Variants in CTNNA2 observed in about 807,000 individuals in gnomAD.
CTNNA2 encodes the protein catenin alpha-2.
In CTNNA2, 42 loss-of-function variants were observed where a neutral mutation model predicts 101.0. The observed-to-expected ratio is 0.42, with a 90% CI of 0.32 to 0.54. The LOEUF is 0.54. Among genes scored for constraint, CTNNA2 ranks in the 20% least tolerant of loss-of-function variants. The pLI, the probability that CTNNA2 is intolerant of heterozygous loss-of-function variation, is 0.14. For synonymous variants in CTNNA2, 450 were observed against 456.4 expected (o/e 0.99, Z 0.18); for missense variants, 871 against 1,223.1 (o/e 0.71, Z 4.29).
chr2:79,933,494 G>A lies in CTNNA2; in HGVS notation c.1056+23697G>A, dbSNP rs574545569. On this transcript the variant is annotated intron_variant, in intron 7 of 18. Transcript: ENST00000402739. Reference sequence around the variant, plus strand: ...TTTTGAGATGGAGTCTTCCTCTGTCGCCCAGGCTGGAGTACAATGGCAAGA... The same window carrying A: ...TTTTGAGATGGAGTCTTCCTCTGTCACCCAGGCTGGAGTACAATGGCAAGA... Among the ~76,000 whole-genome samples the A allele has an allele frequency of 9.4e-5, 14 of 148,632 alleles. 1 individual carries two copies. In the South Asian group the frequency reaches 1.7e-3, roughly 18 times the overall value.
chr2:79,618,166 G>A (rs553802016), intron 1 of CTNNA2, among the ~76,000 whole-genome samples: 4 of 152,304 alleles, frequency 2.6e-5, no homozygotes, highest in South Asian at 2.1e-4. Flanking sequence ...CATGGAGGAA[G>A]GGGTGATGCC....
chr2:79,469,845 A>G (rs1274973517), intron 4 of CTNNA2, among the ~76,000 whole-genome samples: 1 of 152,024 alleles, frequency 6.6e-6, no homozygotes, highest in Non-Finnish European at 1.5e-5. Flanking sequence ...CATGCTAAAA[A>G]CTCTCAATAA....
At chr2:79,655,544 T>C (rs761650581) in intron 2 of CTNNA2, among the ~76,000 whole-genome samples, 1 of 152,134 alleles carries the variant, frequency 6.6e-6, no homozygotes, top group Non-Finnish European at 1.5e-5. Flanking sequence ...AAAAATTCTT[T>C]TTGGCTGGGC....
At chr2:80,471,852 C>A (rs897854588) in intron 9 of CTNNA2, among the ~76,000 whole-genome samples, 13 of 151,956 alleles carry the variant, frequency 8.6e-5, no homozygotes, top group Admixed American at 7.2e-4. Context: ...GGTGGCCGGG[C>A]GTAGTGGCCC....
intron 4 of CTNNA2, among the ~76,000 whole-genome samples, chr2:79,388,659 C>T (rs1678133971): frequency 6.6e-6 from 1 of 152,136 alleles, no homozygotes; most frequent in Non-Finnish European, 1.5e-5. Flanking sequence ...TGCTGGGCTC[C>T]AGACTTTCTG....
Position 80,581,830 on chromosome 2 carries a change from A to G in CTNNA2, c.2007+11A>G, listed in dbSNP as rs1332490437. 5 of 1,534,678 alleles carry G rather than the reference A, an allele frequency of 3.3e-6. No individual in the cohort carries two copies. The South Asian group carries it at 5.6e-5, about 17-fold the overall frequency. On this transcript the variant is annotated intron_variant, in intron 14 of 18. Transcript: ENST00000402739. ...GGGCAGAGCGCACGGGTGAGTGGAC[A>G]CCTAAGACTTTGGCTTGGCACACAG...
At chr2:80,482,937 A>G (rs993880077) in intron 9 of CTNNA2, among the ~76,000 whole-genome samples, 8 of 152,112 alleles carry the variant, frequency 5.3e-5, no homozygotes, top group Non-Finnish European at 1.2e-4. Flanking sequence ...CTTCATTTAC[A>G]CTACCTGTCT....
chr2:80,060,311 G>A (rs1431912613), intron 7 of CTNNA2, among the ~76,000 whole-genome samples: 5 of 152,172 alleles, frequency 3.3e-5, no homozygotes, highest in Non-Finnish European at 7.3e-5. Flanking sequence ...GGCTAAAGGC[G>A]GACACAGCTG....
At chr2:79,812,501 A>T (rs1677125248) in intron 3 of CTNNA2, among the ~76,000 whole-genome samples, 2 of 152,176 alleles carry the variant, frequency 1.3e-5, no homozygotes, top group South Asian at 4.1e-4. Context: ...CAATGATCAC[A>T]GTAAAAGGAA....
exon 2 of CTNNA2, chr2:79,197,989 GT>G (rs1673985618): frequency 1.3e-5 from 2 of 152,268 alleles, no homozygotes; most frequent in Non-Finnish European, 2.9e-5. Context: ...TGCCAGGATG[GT>G]CTCAGTCTCT....
intron 7 of CTNNA2, among the ~76,000 whole-genome samples, chr2:80,224,237 AC>A (rs1157000864): frequency 6.6e-6 from 1 of 152,116 alleles, no homozygotes. Flanking sequence ...TATACCAACC[AC>A]ATCATCTTCA....
intron 1 of CTNNA2, among the ~76,000 whole-genome samples, chr2:79,552,606 C>T (rs1000216454): frequency 1.2e-4 from 19 of 152,132 alleles, no homozygotes; most frequent in Admixed American, 4.6e-4. Flanking sequence ...CCTGGACATC[C>T]GGGCATTTCC....
chr2:79,549,086 C>T (rs1172250544), intron 1 of CTNNA2, among the ~76,000 whole-genome samples: 1 of 152,128 alleles, frequency 6.6e-6, no homozygotes, highest in Non-Finnish European at 1.5e-5. Context: ...TTCTGATTGT[C>T]CATCCAAAAA....
intron 7 of CTNNA2, among the ~76,000 whole-genome samples, chr2:80,039,626 A>G (rs1342555284): frequency 6.6e-6 from 1 of 152,146 alleles, no homozygotes; most frequent in Non-Finnish European, 1.5e-5. Context: ...ATTGGTCCTA[A>G]ACGCTGAGAC....
chr2:80,289,240 A>G (rs1675029757), intron 7 of CTNNA2: 1 of 152,166 alleles, frequency 6.6e-6, no homozygotes, highest in Non-Finnish European at 1.5e-5. Flanking sequence ...AATAAAAGGC[A>G]GTCACCTGAG....
At chr2:79,742,705 A>G (rs1671375318) in intron 2 of CTNNA2, among the ~76,000 whole-genome samples, 1 of 152,178 alleles carries the variant, frequency 6.6e-6, no homozygotes, top group Non-Finnish European at 1.5e-5. Flanking sequence ...TCCTCATCGC[A>G]TACACATTTT....
intron 1 of CTNNA2, among the ~76,000 whole-genome samples, chr2:79,548,815 C>T (rs535606839): frequency 3.9e-5 from 6 of 152,230 alleles, no homozygotes; most frequent in African/African-American, 1.4e-4. Context: ...CCTGGCCTGC[C>T]CCACAGTGCC....
chr2:80,501,843 G>T (rs1687907461), intron 9 of CTNNA2, among the ~76,000 whole-genome samples: 1 of 152,162 alleles, frequency 6.6e-6, no homozygotes, highest in Non-Finnish European at 1.5e-5. Context: ...TATATGGAAG[G>T]TGGGTGATGA....
In CTNNA2 at chr2:80,418,589, C is replaced by T. The variant is rs542696102; in HGVS notation, c.1138-860C>T. ...TAATTTTCCTTGTTCTGACCAATAA[C>T]GAACGTGTGGGTGTCATCCTATCAA... On this transcript the variant is annotated intron_variant, in intron 8 of 18. Coordinates refer to ENST00000402739, the MANE Select transcript of CTNNA2 (RefSeq NM_001282597.3). Among the ~76,000 whole-genome samples the T allele has an allele frequency of 2.5e-4, 38 of 152,268 alleles. No individual in the cohort carries two copies. The South Asian group carries it at 7.7e-3, about 31-fold the overall frequency.
Sources: allele counts gnomAD v4.1 joint callset (sites outside exome capture counted in the v4.1 genomes callset), GRCh38; gene constraint gnomAD v4.1.1; transcripts MANE v1.5; gene names NCBI Gene and HGNC (gene_info 2026-07-23, HGNC 2026-07-21).